Variants in PABPC4L observed in about 807,000 individuals in gnomAD.
The protein encoded by PABPC4L is polyadenylate-binding protein 4-like.
For missense variants in PABPC4L, 452 were observed against 451.4 expected, an observed-to-expected ratio of 1.00 and a Z score of -0.01; for synonymous variants, 169 against 164.1, an observed-to-expected ratio of 1.03 and a Z score of -0.23.
the PABPC4L span, among the ~76,000 whole-genome samples, chr4:134,159,773 G>A: frequency 6.6e-6 from 1 of 152,096 alleles, no homozygotes; most frequent in Admixed American, 6.6e-5. Flanking sequence ...TGGATATGGA[G>A]TGAGACCCAG....
At chr4:134,035,735 C>T in the PABPC4L span, among the ~76,000 whole-genome samples, 1 of 151,932 alleles carries the variant, frequency 6.6e-6, no homozygotes, top group Non-Finnish European at 1.5e-5. Flanking sequence ...GACATAGGCT[C>T]AGCTCTTCAT....
chr4:134,031,164 T>C, the PABPC4L span, among the ~76,000 whole-genome samples: 1 of 152,048 alleles, frequency 6.6e-6, no homozygotes, highest in African/African-American at 2.4e-5. Flanking sequence ...TCCATGTGCT[T>C]ATATCTTAAA....
At chr4:134,008,937 T>C in the PABPC4L span, among the ~76,000 whole-genome samples, 5 of 151,778 alleles carry the variant, frequency 3.3e-5, 1 homozygote, top group Non-Finnish European at 3.0e-5. Flanking sequence ...TGTAAATACT[T>C]AGAAGTTGTG....
At chr4:134,035,750 A>G in the PABPC4L span, among the ~76,000 whole-genome samples, 1 of 152,130 alleles carries the variant, frequency 6.6e-6, no homozygotes, top group East Asian at 1.9e-4. Context: ...CTTCATGTGA[A>G]GGTCATTATT....
At chr4:134,191,057 T>C in the PABPC4L span, among the ~76,000 whole-genome samples, 1 of 152,294 alleles carries the variant, frequency 6.6e-6, no homozygotes, top group Non-Finnish European at 1.5e-5. Context: ...CCTAGTTGAA[T>C]TGCATAATTG....
Position 134,200,669 on chromosome 4 carries a change from A to G in PABPC4L, c.351T>C (p.His117=), listed in dbSNP as rs901236781. Residue 117 remains histidine, a synonymous_variant, in exon 2 of 2, where the codon CAT becomes CAC. Transcript: ENST00000421491. ...KSIDNKTLYE[H]FSAFGKILSS... Reference sequence around the variant, plus strand: ...AAAGGATCTTTCCAAAAGCTGAAAAATGTTCATAAAGGGTTTTGTTATCGA... The same window carrying G: ...AAAGGATCTTTCCAAAAGCTGAAAAGTGTTCATAAAGGGTTTTGTTATCGA... The G allele has an allele frequency of 2.8e-5, 43 of 1,551,548 alleles. No individual in the cohort carries two copies. Among genetic ancestry groups the G allele is most frequent in the Non-Finnish European group, 3.6e-5 (41 of 1,146,978 alleles).
chr4:134,007,923 TAA>T, the PABPC4L span, among the ~76,000 whole-genome samples: 1 of 151,782 alleles, frequency 6.6e-6, no homozygotes, highest in Non-Finnish European at 1.5e-5. Context: ...TGTCATATTT[TAA>T]AAGAGAAATA....
chr4:134,129,247 G>C, the PABPC4L span, among the ~76,000 whole-genome samples: 1 of 152,122 alleles, frequency 6.6e-6, no homozygotes, highest in South Asian at 2.1e-4. Flanking sequence ...ATACTCCACT[G>C]ACAGCTCTGG....
chr4:133,978,732 T>C, the PABPC4L span: 3 of 152,202 alleles, frequency 2.0e-5, no homozygotes. Context: ...TTGTTTCTAC[T>C]TTTTGCTTCT....
At chr4:134,089,393 A>C in the PABPC4L span, among the ~76,000 whole-genome samples, 1,531 of 152,206 alleles carry the variant, frequency 0.01, 26 homozygotes, top group African/African-American at 0.034. Context: ...AACTACATCC[A>C]CACATCATTA....
chr4:134,151,251 T>G, the PABPC4L span, among the ~76,000 whole-genome samples: 23 of 152,282 alleles, frequency 1.5e-4, no homozygotes, highest in African/African-American at 5.3e-4. Context: ...CTGTATACAC[T>G]ACATACTTTA....
chr4:133,949,057 G>C, the PABPC4L span, among the ~76,000 whole-genome samples: 1 of 152,216 alleles, frequency 6.6e-6, no homozygotes, highest in African/African-American at 2.4e-5. Flanking sequence ...GTCTAAAGTA[G>C]CTAGTTTATT....
At chr4:134,071,497 T>G in the PABPC4L span, among the ~76,000 whole-genome samples, 2 of 152,216 alleles carry the variant, frequency 1.3e-5, no homozygotes, top group African/African-American at 4.8e-5. Context: ...TTTGGTGTTT[T>G]CATTCCTCTA....
chr4:133,953,162 A>T, the PABPC4L span, among the ~76,000 whole-genome samples: 2 of 152,118 alleles, frequency 1.3e-5, no homozygotes, highest in African/African-American at 4.8e-5. Flanking sequence ...ATTCTCTCTT[A>T]AAATGTCCTG....
the PABPC4L span, among the ~76,000 whole-genome samples, chr4:133,972,773 G>T: frequency 1.3e-5 from 2 of 152,122 alleles, no homozygotes. Flanking sequence ...GAGCCTAGAG[G>T]AGACTCTGCT....
the PABPC4L span, among the ~76,000 whole-genome samples, chr4:134,119,057 C>A: frequency 6.6e-6 from 1 of 151,796 alleles, no homozygotes; most frequent in South Asian, 2.1e-4. Flanking sequence ...TTATTAATCA[C>A]TGTGACACTA....
chr4:134,087,902 C>T, the PABPC4L span, among the ~76,000 whole-genome samples: 2 of 152,100 alleles, frequency 1.3e-5, no homozygotes, highest in Non-Finnish European at 2.9e-5. Flanking sequence ...GTTAATACAT[C>T]TAGTACCATT....
the PABPC4L span, among the ~76,000 whole-genome samples, chr4:134,135,370 T>C: frequency 1.1e-4 from 17 of 152,264 alleles, no homozygotes; most frequent in East Asian, 3.3e-3. Flanking sequence ...AAACAGTCTT[T>C]ACCCCCTTTC....
the PABPC4L span, among the ~76,000 whole-genome samples, chr4:134,082,990 C>A: frequency 9.2e-5 from 14 of 152,142 alleles, no homozygotes; most frequent in Non-Finnish European, 1.6e-4. Context: ...TTAGCATGAC[C>A]ATCACCATAG....
Sources: allele counts gnomAD v4.1 joint callset (sites outside exome capture counted in the v4.1 genomes callset), GRCh38; gene constraint gnomAD v4.1.1; transcripts MANE v1.5; gene names NCBI Gene and HGNC (gene_info 2026-07-23, HGNC 2026-07-21).